Variants in MBOAT2 observed in about 807,000 individuals in gnomAD.
MBOAT2 encodes the protein membrane-bound glycerophospholipid O-acyltransferase 2.
MBOAT2 carries 28 observed loss-of-function variants against 63.4 expected under a neutral mutation model. The ratio of observed to expected loss-of-function variants is 0.44; its 90% CI spans 0.33 to 0.61. MBOAT2 has a LOEUF of 0.61. MBOAT2 is among the 20% of genes least tolerant of loss of function. The pLI, the probability that MBOAT2 is intolerant of heterozygous loss-of-function variation, is 0.03. For synonymous variants in MBOAT2, 211 were observed against 215.6 expected (o/e 0.98, Z 0.19); for missense variants, 470 against 605.8 (o/e 0.78, Z 2.35).
At chr2:8,876,989 A>G (rs763608094) in intron 7 of MBOAT2, 41 bp downstream of exon 7, 1 of 1,534,868 alleles carries the variant, frequency 6.5e-7, no homozygotes, top group Non-Finnish European at 8.8e-7. Context: ...AGACTAACCA[A>G]TACATGCTGT....
At chr2:8,978,706 T>G (rs1050809024) in intron 1 of MBOAT2, among the ~76,000 whole-genome samples, 5 of 152,084 alleles carry the variant, frequency 3.3e-5, no homozygotes, top group Admixed American at 1.3e-4. Flanking sequence ...GACAAATAGC[T>G]AATGCATCGG....
intron 1 of MBOAT2, among the ~76,000 whole-genome samples, chr2:8,998,451 G>A (rs1170627350): frequency 6.6e-6 from 1 of 152,092 alleles, no homozygotes; most frequent in Non-Finnish European, 1.5e-5. Context: ...CTCTTAAGAA[G>A]GCTCAATACT....
At chr2:8,993,856 A>G (rs1474706503) in intron 1 of MBOAT2, among the ~76,000 whole-genome samples, 1 of 152,212 alleles carries the variant, frequency 6.6e-6, no homozygotes, top group African/African-American at 2.4e-5. Context: ...GCTCTGAAGA[A>G]AGTAAAGCCT....
chr2:8,963,352 A>G (rs185263588), intron 1 of MBOAT2, among the ~76,000 whole-genome samples: 2,082 of 152,230 alleles, frequency 0.014, 27 homozygotes, highest in Middle Eastern at 0.027. Flanking sequence ...TGCCCAGGCT[A>G]GAGTGCAGTG....
chr2:8,938,726 T>C (rs1188548312), intron 3 of MBOAT2, among the ~76,000 whole-genome samples: 1 of 147,852 alleles, frequency 6.8e-6, no homozygotes, highest in African/African-American at 2.5e-5. Context: ...CCATGTTTCA[T>C]GCCACCGTTG....
chr2:8,939,554 C>T (rs959277205), intron 3 of MBOAT2, among the ~76,000 whole-genome samples: 1 of 152,174 alleles, frequency 6.6e-6, no homozygotes, highest in Non-Finnish European at 1.5e-5. Context: ...AGCAGGCAAG[C>T]TTATGCCAGG....
chr2:8,868,889 G>T (rs574440082), intron 8 of MBOAT2, among the ~76,000 whole-genome samples: 9 of 152,178 alleles, frequency 5.9e-5, no homozygotes, highest in Non-Finnish European at 1.3e-4. Context: ...CAGCTGCCAA[G>T]AAGTTGCTAA....
chr2:8,860,603 T>C lies in MBOAT2; in HGVS notation c.1337+10A>G, dbSNP rs1661425945. On this transcript the variant is annotated intron_variant, in intron 12 of 12. Coordinates refer to ENST00000305997, the MANE Select transcript of MBOAT2 (RefSeq NM_138799.4). ...ATTCCCACTGACAAAGTTTTAAGAG[T>C]AACACTTACCTGTAAAACGTGAGTG... is the stretch of plus-strand genomic sequence containing the variant. 1 of 1,610,098 alleles carries C rather than the reference T, an allele frequency of 6.2e-7. No individual in the cohort carries two copies. Among genetic ancestry groups the C allele is most frequent in the Admixed American group, 1.7e-5 (1 of 59,158 alleles).
intron 1 of MBOAT2, among the ~76,000 whole-genome samples, chr2:8,969,324 G>C (rs983412657): frequency 6.6e-6 from 1 of 152,174 alleles, no homozygotes; most frequent in Non-Finnish European, 1.5e-5. Flanking sequence ...CAAATGCTGA[G>C]AGATTTTGTC....
chr2:8,887,786 T>C, intron 5 of MBOAT2, among the ~76,000 whole-genome samples: 1 of 152,216 alleles, frequency 6.6e-6, no homozygotes. Context: ...GCCATATGAC[T>C]AAATCACACT....
At chr2:8,935,904 T>C (rs1667629504) in intron 3 of MBOAT2, among the ~76,000 whole-genome samples, 1 of 152,134 alleles carries the variant, frequency 6.6e-6, no homozygotes, top group Admixed American at 6.5e-5. Flanking sequence ...GCTGTTCAAT[T>C]TTATCATCAA....
chr2:8,876,038 G>A, intron 7 of MBOAT2, among the ~76,000 whole-genome samples: 1 of 152,180 alleles, frequency 6.6e-6, no homozygotes, highest in East Asian at 1.9e-4. Flanking sequence ...TACATTCACA[G>A]AAAACACACC....
At chr2:9,002,419 G>A (rs1308784435) in intron 1 of MBOAT2, among the ~76,000 whole-genome samples, 2 of 152,318 alleles carry the variant, frequency 1.3e-5, no homozygotes, top group East Asian at 3.9e-4. Flanking sequence ...TGGACAAGAA[G>A]GAATCCCGTA....
At chr2:8,948,324 TAAC>T (rs549357778) in intron 2 of MBOAT2, among the ~76,000 whole-genome samples, 274 of 152,260 alleles carry the variant, frequency 1.8e-3, no homozygotes, top group Middle Eastern at 6.8e-3. Flanking sequence ...ACTGTTGAAA[TAAC>T]AACAACAAAA....
intron 1 of MBOAT2, among the ~76,000 whole-genome samples, chr2:8,989,984 C>T (rs939475750): frequency 5.9e-5 from 9 of 152,218 alleles, no homozygotes; most frequent in Non-Finnish European, 8.8e-5. Context: ...AGGGATGCTA[C>T]GTTGCAGAAC....
intron 2 of MBOAT2, among the ~76,000 whole-genome samples, chr2:8,957,493 T>C (rs758398265): frequency 1.6e-4 from 24 of 152,206 alleles, no homozygotes; most frequent in Non-Finnish European, 3.2e-4. Flanking sequence ...TAGGAAACAC[T>C]TGCAATTGCC....
intron 6 of MBOAT2, among the ~76,000 whole-genome samples, chr2:8,878,471 A>C (rs1662862093): frequency 6.6e-6 from 1 of 152,172 alleles, no homozygotes; most frequent in African/African-American, 2.4e-5. Flanking sequence ...TCCTTAAAAA[A>C]TACAAACACT....
intron 12 of MBOAT2, among the ~76,000 whole-genome samples, chr2:8,859,367 T>C (rs551506038): frequency 5.4e-4 from 82 of 152,228 alleles, no homozygotes; most frequent in Middle Eastern, 3.4e-3. Context: ...AGAGAAGCAA[T>C]ATTGCTTCTT....
intron 1 of MBOAT2, among the ~76,000 whole-genome samples, chr2:8,963,360 G>A (rs1302448624): frequency 5.3e-5 from 8 of 152,134 alleles, no homozygotes; most frequent in Non-Finnish European, 1.0e-4. Context: ...CTAGAGTGCA[G>A]TGGCACGATC....
Sources: gnomAD v4.1 joint callset for allele counts (sites outside exome capture counted in the v4.1 genomes callset) on GRCh38, gnomAD v4.1.1 for gene constraint, MANE v1.5 for transcripts, NCBI Gene and HGNC (gene_info 2026-07-23, HGNC 2026-07-21) for gene names.